KCNG3: variants seen among roughly 807,000 people sequenced by gnomAD.
KCNG3 encodes voltage-gated potassium channel regulatory subunit KCNG3.
A neutral mutation model predicts 29.0 loss-of-function variants in KCNG3; 15 were observed. The ratio of observed to expected loss-of-function variants is 0.52; its 90% confidence interval spans 0.35 to 0.80. The LOEUF (loss-of-function observed/expected upper bound fraction) is 0.80. Among genes scored for constraint, KCNG3 ranks in the 30% least tolerant of loss-of-function variants. KCNG3 has a pLI of 0.01. For synonymous variants in KCNG3, 322 were observed against 248.9 expected (o/e 1.29, Z -2.76); for missense variants, 512 against 605.7 (o/e 0.85, Z 1.62).
At chr2:42,403,611 ACTTT>A in the KCNG3 span, among the ~76,000 whole-genome samples, 1 of 133,052 alleles carries the variant, frequency 7.5e-6, no homozygotes, top group South Asian at 2.4e-4. Flanking sequence ...TCTCTACGTG[ACTTT>A]TTTTTCTTTT....
At chr2:42,397,484 G>A in the KCNG3 span, among the ~76,000 whole-genome samples, 31 of 152,232 alleles carry the variant, frequency 2.0e-4, no homozygotes, top group South Asian at 3.5e-3. Context: ...CTATACATAT[G>A]CCTATTATAT....
intron 1 of KCNG3, among the ~76,000 whole-genome samples, chr2:42,457,174 G>C (rs1003510974): frequency 1.3e-5 from 2 of 151,966 alleles, no homozygotes; most frequent in Non-Finnish European, 1.5e-5. Context: ...CTACAAATGA[G>C]GAGACTAAGC....
chr2:42,459,740 G>C (rs1233537761), intron 1 of KCNG3, among the ~76,000 whole-genome samples: 1 of 152,222 alleles, frequency 6.6e-6, no homozygotes, highest in Non-Finnish European at 1.5e-5. Flanking sequence ...TCTTTGGGAG[G>C]TCAAGGCGGG....
At chr2:42,452,737 G>GT (rs1672791746) in intron 1 of KCNG3, among the ~76,000 whole-genome samples, 1 of 151,712 alleles carries the variant, frequency 6.6e-6, no homozygotes, top group African/African-American at 2.4e-5. Flanking sequence ...TCCATTGTGT[G>GT]TAAGTACCAC....
the KCNG3 span, among the ~76,000 whole-genome samples, chr2:42,410,652 T>C: frequency 6.6e-6 from 1 of 152,194 alleles, no homozygotes; most frequent in East Asian, 1.9e-4. Flanking sequence ...ATTTGGTTGT[T>C]GATTCTTGTT....
the KCNG3 span, among the ~76,000 whole-genome samples, chr2:42,391,033 T>C: frequency 6.6e-6 from 1 of 152,140 alleles, no homozygotes; most frequent in African/African-American, 2.4e-5. Context: ...AGCTGGGGAA[T>C]CTTCAGGAAG....
the KCNG3 span, among the ~76,000 whole-genome samples, chr2:42,436,674 A>G: frequency 6.6e-6 from 1 of 152,224 alleles, no homozygotes; most frequent in African/African-American, 2.4e-5. Context: ...GCAAAGCAGA[A>G]AACAGCTAGA....
chr2:42,436,152 A>G, the KCNG3 span, among the ~76,000 whole-genome samples: 1 of 152,232 alleles, frequency 6.6e-6, no homozygotes, highest in East Asian at 1.9e-4. Context: ...GCCACATATC[A>G]TATGATTCCA....
intron 1 of KCNG3, among the ~76,000 whole-genome samples, chr2:42,478,461 G>A (rs1345922508): frequency 6.6e-6 from 1 of 151,878 alleles, no homozygotes; most frequent in Non-Finnish European, 1.5e-5. Flanking sequence ...GAACTCCTGG[G>A]CTCAAGTGAT....
At chr2:42,488,376 T>A (rs1396099494) in intron 1 of KCNG3, among the ~76,000 whole-genome samples, 1 of 152,044 alleles carries the variant, frequency 6.6e-6, no homozygotes, top group African/African-American at 2.4e-5. Flanking sequence ...GTTCCTTGAT[T>A]TTTTTGTTGT....
chr2:42,424,546 A>G, the KCNG3 span, among the ~76,000 whole-genome samples: 2 of 152,152 alleles, frequency 1.3e-5, no homozygotes, highest in African/African-American at 4.8e-5. Context: ...ATCCAAACAC[A>G]TAATGTTCAG....
At chr2:42,412,936 A>T in the KCNG3 span, among the ~76,000 whole-genome samples, 1 of 151,516 alleles carries the variant, frequency 6.6e-6, no homozygotes, top group South Asian at 2.1e-4. Context: ...TTTCTTTTTT[A>T]TTTATTTTTA....
intron 1 of KCNG3, among the ~76,000 whole-genome samples, chr2:42,474,148 C>T (rs1673362860): frequency 1.3e-5 from 2 of 151,490 alleles, no homozygotes; most frequent in South Asian, 2.1e-4. Context: ...CTTGGTGATG[C>T]TATTTTGACT....
At chr2:42,403,157 T>C in the KCNG3 span, among the ~76,000 whole-genome samples, 2 of 152,238 alleles carry the variant, frequency 1.3e-5, no homozygotes, top group African/African-American at 2.4e-5. Context: ...CTTTTCCTTT[T>C]TGAGACAGGG....
chr2:42,479,675 G>GA (rs1214555265), intron 1 of KCNG3, among the ~76,000 whole-genome samples: 24 of 149,156 alleles, frequency 1.6e-4, no homozygotes, highest in Non-Finnish European at 3.1e-4. Flanking sequence ...GAAAAATAAA[G>GA]AAAAAAAGAG....
the KCNG3 span, among the ~76,000 whole-genome samples, chr2:42,411,587 A>T: frequency 6.6e-6 from 1 of 152,032 alleles, no homozygotes; most frequent in Non-Finnish European, 1.5e-5. Context: ...GGTTCAGGCA[A>T]TTCTCATGCC....
In KCNG3 at chr2:42,444,656, A is replaced by C. The variant is rs955430346; in HGVS notation, c.666-77T>G. ...TAGCTCTTAGATTTCTTCAGATAGTACTACACTGACATACTAATTCAGTTA... is the reference window on the plus strand; with the variant it reads ...TAGCTCTTAGATTTCTTCAGATAGTCCTACACTGACATACTAATTCAGTTA... On this transcript the variant is annotated intron_variant, in intron 1 of 1. Transcript: ENST00000306078. This position sits in a 1 kb window ranked among gnomAD's most constrained non-coding sequence, Gnocchi z 5.8. 3.1e-6 allele frequency: 4 copies of C among 1,270,456 alleles called. No homozygotes were observed. The highest frequency in any genetic ancestry group is 2.2e-5 in the Admixed American group (1 of 45,518). The allele number at this position is 1,270,456 out of a possible 1,614,324, so 78.7% of individuals were successfully genotyped here. A position where few individuals can be genotyped will look rare whatever the true frequency, so the allele number is the denominator to read the frequency against.
intron 1 of KCNG3, among the ~76,000 whole-genome samples, chr2:42,449,439 G>A (rs1280439284): frequency 6.8e-6 from 1 of 147,680 alleles, no homozygotes; most frequent in African/African-American, 2.5e-5. Context: ...AAACCATATA[G>A]CTCTGCAAAA....
chr2:42,452,245 T>TATATATATATATA (rs1558376128), intron 1 of KCNG3, among the ~76,000 whole-genome samples: 6 of 47,430 alleles, frequency 1.3e-4, no homozygotes, highest in African/African-American at 2.7e-4. Context: ...ATATATATAT[T>TATATATATATATA]TTTTTTTTTT....
Sources: allele counts gnomAD v4.1 joint callset (sites outside exome capture counted in the v4.1 genomes callset), GRCh38; gene constraint gnomAD v4.1.1; non-coding constraint Gnocchi (gnomAD v3.1); transcripts MANE v1.5; gene names NCBI Gene and HGNC (gene_info 2026-07-23, HGNC 2026-07-21).